RNF13: variants seen among roughly 807,000 people sequenced by gnomAD.
RNF13 encodes E3 ubiquitin-protein ligase RNF13.
In RNF13, 19 loss-of-function variants were observed where a neutral mutation model predicts 37.7. The ratio of observed to expected loss-of-function variants is 0.50; its 90% confidence interval spans 0.35 to 0.74. The LOEUF is 0.74. Ranked by LOEUF, RNF13 falls within the 30% of genes least tolerant of loss-of-function variation. RNF13 has a pLI of 0.01. For synonymous variants in RNF13, 144 were observed against 157.8 expected (o/e 0.91, Z 0.65); for missense variants, 375 against 453.0 (o/e 0.83, Z 1.56).
intron 3 of RNF13, among the ~76,000 whole-genome samples, chr3:149,853,451 A>G (rs958335539): frequency 4.0e-5 from 4 of 100,760 alleles, no homozygotes; most frequent in Middle Eastern, 5.2e-3. Flanking sequence ...TGAGAGAGAG[A>G]GAGGGAGAGA....
intron 8 of RNF13, among the ~76,000 whole-genome samples, chr3:149,935,048 G>A (rs999813060): frequency 2.0e-5 from 3 of 152,140 alleles, no homozygotes; most frequent in African/African-American, 7.2e-5. Context: ...TCTGTCCTGG[G>A]GAATGTTCCA....
At chr3:149,827,413 A>G (rs969583376) in intron 1 of RNF13, among the ~76,000 whole-genome samples, 1 of 152,180 alleles carries the variant, frequency 6.6e-6, no homozygotes, top group Admixed American at 6.5e-5. Context: ...TAAACTATAT[A>G]TAAACTTTTA....
chr3:149,877,616 CACT>C (rs2108453253), intron 4 of RNF13, among the ~76,000 whole-genome samples: 1 of 151,914 alleles, frequency 6.6e-6, no homozygotes, highest in Admixed American at 6.5e-5. Flanking sequence ...ACATACTCTG[CACT>C]ACTATTTCAG....
At chr3:149,890,069 G>T (rs1370550360) in intron 4 of RNF13, among the ~76,000 whole-genome samples, 1 of 152,184 alleles carries the variant, frequency 6.6e-6, no homozygotes, top group African/African-American at 2.4e-5. Flanking sequence ...GCCAGTCTCT[G>T]CTACTTTCCT....
At chr3:149,818,644 G>T (rs1719708860) in intron 1 of RNF13, among the ~76,000 whole-genome samples, 1 of 152,176 alleles carries the variant, frequency 6.6e-6, no homozygotes, top group Non-Finnish European at 1.5e-5. Flanking sequence ...TGGGCACTGT[G>T]GCTCATGTCT....
At chr3:149,875,996 C>G (rs1712647423) in intron 4 of RNF13, among the ~76,000 whole-genome samples, 1 of 34,726 alleles carries the variant, frequency 2.9e-5, no homozygotes, top group Non-Finnish European at 5.9e-5. Flanking sequence ...TGTAAAAATA[C>G]CTAGTAATTG....
chr3:149,877,450 T>C (rs1453435889), intron 4 of RNF13, among the ~76,000 whole-genome samples: 1 of 150,402 alleles, frequency 6.6e-6, no homozygotes, highest in Non-Finnish European at 1.5e-5. Flanking sequence ...GATCATATCA[T>C]AATAACTCTT....
intron 1 of RNF13, among the ~76,000 whole-genome samples, chr3:149,821,759 T>G (rs1228384596): frequency 6.6e-6 from 1 of 152,196 alleles, no homozygotes; most frequent in Non-Finnish European, 1.5e-5. Flanking sequence ...ATTAACCCTA[T>G]GTTTTCTTCC....
chr3:149,920,820 G>T (rs1441439638), intron 7 of RNF13, among the ~76,000 whole-genome samples: 2 of 133,532 alleles, frequency 1.5e-5, no homozygotes. Context: ...ACCCATTGGA[G>T]TCTTTATAAA....
intron 4 of RNF13, among the ~76,000 whole-genome samples, chr3:149,889,874 C>T (rs550520537): frequency 6.6e-6 from 1 of 151,238 alleles, no homozygotes; most frequent in African/African-American, 2.4e-5. Flanking sequence ...AGACTAGTCC[C>T]GAATTTCTTG....
At chr3:149,919,382 A>G (rs1717889806) in intron 7 of RNF13, among the ~76,000 whole-genome samples, 2 of 152,072 alleles carry the variant, frequency 1.3e-5, no homozygotes, top group African/African-American at 2.4e-5. Context: ...ACCCCTTCCA[A>G]CTTTTCCTTC....
At chr3:149,830,818 C>G (rs1576725958) in intron 1 of RNF13, among the ~76,000 whole-genome samples, 1 of 152,196 alleles carries the variant, frequency 6.6e-6, no homozygotes, top group South Asian at 2.1e-4. Flanking sequence ...CTATCACACG[C>G]CCAGAGGCCT....
chr3:149,902,468 A>G (rs996585900), intron 6 of RNF13, among the ~76,000 whole-genome samples: 5 of 152,084 alleles, frequency 3.3e-5, no homozygotes, highest in Non-Finnish European at 7.4e-5. Context: ...ATTTATGTTT[A>G]TATGACATTT....
intron 4 of RNF13, among the ~76,000 whole-genome samples, chr3:149,879,639 A>G (rs1312137504): frequency 6.6e-6 from 1 of 152,140 alleles, no homozygotes; most frequent in Admixed American, 6.5e-5. Flanking sequence ...ATTTTATTCC[A>G]TCTACAGATT....
rs548280755 is a variant in RNF13 at position 149,820,434 on chromosome 3, G to T, written c.-17+7081G>T. ...TCCACCGGGAAATAATCCTAGTGAG[G>T]AGCTGGTGATAAATGAATATTTCTG... On this transcript the variant is annotated intron_variant, in intron 1 of 9. Transcript: ENST00000392894. Among the ~76,000 whole-genome samples the T allele has an allele frequency of 2.0e-5, 3 of 152,162 alleles. No homozygotes were observed. In the East Asian group the frequency reaches 5.8e-4, roughly 29 times the overall value.
intron 6 of RNF13, among the ~76,000 whole-genome samples, chr3:149,906,825 G>A (rs1466532047): frequency 6.6e-6 from 1 of 151,480 alleles, no homozygotes; most frequent in Non-Finnish European, 1.5e-5. Context: ...CTAATTTTTT[G>A]TATTTTTAGT....
rs535062004 is a variant in RNF13 at position 149,864,008 on chromosome 3, ATTTTTTTTTTT to A, written c.196-7999_196-7989del. On this transcript the variant is annotated intron_variant, in intron 3 of 9. Coordinates refer to ENST00000392894, the MANE Select transcript of RNF13 (RefSeq NM_183381.3). The stretch of plus-strand genomic sequence containing the variant: ...GCTGGAATGGCAATGTTTGATTGGA[ATTTTTTTTTTT>A]TTTTTTTTTTTTTTTTTTTTTAGAA... Among the ~76,000 whole-genome samples the A allele has an allele frequency of 9.1e-4, 27 of 29,654 alleles. No homozygotes were observed. In the Admixed American group the frequency reaches 9.3e-3, roughly 10 times the overall value. The allele number at this position is 29,654 out of a possible 152,430, so 19.5% of individuals were successfully genotyped here.
chr3:149,954,802 C>T (rs1721699816), intron 8 of RNF13, among the ~76,000 whole-genome samples: 1 of 152,158 alleles, frequency 6.6e-6, no homozygotes, highest in African/African-American at 2.4e-5. Flanking sequence ...TTTCTTGCTT[C>T]TGAAGCAGCC....
Position 149,879,192 on chromosome 3 carries a change from A to G in RNF13, c.321+7038A>G, listed in dbSNP as rs372593971. 1.4e-4 allele frequency among the ~76,000 whole-genome samples: 22 copies of G among 152,310 alleles called. No individual in the cohort carries two copies. In the East Asian group the frequency reaches 3.5e-3, roughly 24 times the overall value. On this transcript the variant is annotated intron_variant, in intron 4 of 9. Coordinates refer to ENST00000392894, the MANE Select transcript of RNF13 (RefSeq NM_183381.3). ...AGTATCTATAATGTGTATATGTGCA[A>G]TTTAAATAATAGTAAAATGAATTTC...
Sources: gnomAD v4.1 joint callset for allele counts (sites outside exome capture counted in the v4.1 genomes callset) on GRCh38, gnomAD v4.1.1 for gene constraint, MANE v1.5 for transcripts, NCBI Gene and HGNC (gene_info 2026-07-23, HGNC 2026-07-21) for gene names.